The following ZNF878 variants were observed in gnomAD, a reference collection of about 807,000 sequenced individuals.
ZNF878 encodes the protein zinc finger protein 878.
ZNF878 carries 10 observed loss-of-function variants against 11.1 expected under a neutral mutation model. The ratio of observed to expected loss-of-function variants is 0.90; its 90% CI spans 0.56 to 1.53. The LOEUF is 1.53. Ranked by LOEUF, ZNF878 falls within the 40% of genes most tolerant of loss-of-function variation. The pLI, the probability that ZNF878 is intolerant of heterozygous loss-of-function variation, is 0.00. For synonymous variants in ZNF878, 165 were observed against 209.7 expected (o/e 0.79, Z 1.84); for missense variants, 548 against 626.1 (o/e 0.88, Z 1.33).
intron 1 of ZNF878, 47 bp downstream of exon 1, chr19:12,052,752 C>T (rs763683282): frequency 8.5e-6 from 13 of 1,535,078 alleles, no homozygotes; most frequent in South Asian, 1.2e-5. Flanking sequence ...CTCGGTTCCA[C>T]CCAGTCCCTC....
chr19:12,044,613 G>A lies in ZNF878; in HGVS notation c.788C>T (p.Ala263Val). 1 of 1,613,976 alleles carries A rather than the reference G, an allele frequency of 6.2e-7. No individual in the cohort carries two copies. Among genetic ancestry groups the A allele is most frequent in the Non-Finnish European group, 8.5e-7 (1 of 1,179,992 alleles). The change falls in exon 4 of 4, where the codon GCC becomes GTC. Residue 263 changes from alanine (A) to valine (V), a missense_variant. Around this residue, in one of 3 missense-constraint regions of ZNF878, gnomAD observed 335 missense variants for 358.2 expected, o/e 0.94. Coordinates refer to ENST00000547628, the MANE Select transcript of ZNF878 (RefSeq NM_001080404.3). ...KRYKCKQCDK[A>V]FNCPSSFQYH... ...TTGAAAGGAACTGGGACAATTGAAG[G>A]CTTTATCACATTGCTTGCATTTATA...
At chr19:12,047,491 G>A (rs1037486203) in intron 1 of ZNF878, among the ~76,000 whole-genome samples, 5 of 151,872 alleles carry the variant, frequency 3.3e-5, no homozygotes, top group Non-Finnish European at 7.4e-5. Flanking sequence ...TTGAACCCAT[G>A]AGGCAGAGGT....
chr19:12,050,760 T>C (rs987719751), intron 1 of ZNF878, among the ~76,000 whole-genome samples: 3 of 152,144 alleles, frequency 2.0e-5, no homozygotes, highest in Admixed American at 6.5e-5. Flanking sequence ...TCACATCTTC[T>C]GAAGCTGGAA....
chr19:12,048,525 GAAA>G (rs894167458), intron 1 of ZNF878, among the ~76,000 whole-genome samples: 1 of 117,908 alleles, frequency 8.5e-6, no homozygotes, highest in Non-Finnish European at 1.8e-5. Context: ...CTCAAAAAAA[GAAA>G]AAAAAAAAAG....
At chr19:12,049,036 G>A (rs1221711694) in intron 1 of ZNF878, among the ~76,000 whole-genome samples, 1 of 150,832 alleles carries the variant, frequency 6.6e-6, no homozygotes, top group African/African-American at 2.4e-5. Flanking sequence ...CCAGCTACTC[G>A]GGAAGCTAAG....
At chr19:12,043,762 C>G (rs757233676), downstream of ZNF878, 8 of 1,506,970 alleles carry the variant, frequency 5.3e-6, no homozygotes, top group Non-Finnish European at 6.2e-6. Context: ...AGTTCTGAGT[C>G]CCATCTAAGG....
chr19:12,046,074 CTGT>C (rs919958783), intron 3 of ZNF878: 2 of 331,082 alleles, frequency 6.0e-6, no homozygotes, highest in Non-Finnish European at 1.1e-5. Flanking sequence ...GTCTTTTTGT[CTGT>C]TTAGTTTTGA....
rs1975437070 is a variant in ZNF878, at chr19:12,044,348, G to A, written c.1053C>T (p.Val351=). The A allele has an allele frequency of 1.2e-6, 2 of 1,612,404 alleles. No individual in the cohort carries two copies. The highest frequency in any genetic ancestry group is 1.3e-5 in the African/African-American group (1 of 74,800). The change falls in exon 4 of 4, where the codon GTC becomes GTT. Residue 351 remains valine (V), a synonymous_variant. Transcript: ENST00000547628. ...CKKCVKAFSF[V]KDLRIHERTH... ...TCCTTTCATGTATTCGAAGATCCTT[G>A]ACAAAACTGAAGGCTTTCACACATT...
chr19:12,045,114 G>A lies in ZNF878; in HGVS notation c.287C>T (p.Thr96Ile). Residue 96 changes from threonine (T) to isoleucine (I), a missense_variant, in exon 4 of 4, where the codon ACT becomes ATT. Coordinates refer to ENST00000547628, the MANE Select transcript of ZNF878 (RefSeq NM_001080404.3). Reference sequence around the variant, plus strand: ...GCTTTCATATGATTGTACTCCAGGAGTTTTCTTCTTCAGTGTGTCATCTGG... The same window carrying A: ...GCTTTCATATGATTGTACTCCAGGAATTTTCTTCTTCAGTGTGTCATCTGG... ...QVPDDTLKKK[T>I]PGVQSYESSV... The A allele has an allele frequency of 6.2e-7, 1 of 1,613,242 alleles. No homozygotes were observed. The highest frequency in any genetic ancestry group is 8.5e-7 in the Non-Finnish European group (1 of 1,179,554).
intron 1 of ZNF878, among the ~76,000 whole-genome samples, chr19:12,052,277 C>G (rs1975559127): frequency 6.6e-6 from 1 of 152,214 alleles, no homozygotes; most frequent in African/African-American, 2.4e-5. Flanking sequence ...CTATTCGGCT[C>G]AGAATAAACT....
At chr19:12,046,581 CTA>C in intron 2 of ZNF878, 51 bp downstream of exon 2, 2 of 1,611,956 alleles carry the variant, frequency 1.2e-6, no homozygotes, top group Non-Finnish European at 1.7e-6. Flanking sequence ...CACTGATGAG[CTA>C]GAAACACCTG....
intron 1 of ZNF878, among the ~76,000 whole-genome samples, chr19:12,050,204 G>A (rs912788531): frequency 6.6e-6 from 1 of 152,112 alleles, no homozygotes; most frequent in Admixed American, 6.5e-5. Flanking sequence ...CAGCCTGGGC[G>A]ACAGAAAGAG....
At chr19:12,048,232 G>C (rs1039603150) in intron 1 of ZNF878, among the ~76,000 whole-genome samples, 1 of 152,140 alleles carries the variant, frequency 6.6e-6, no homozygotes, top group African/African-American at 2.4e-5. Context: ...AATATGGCAG[G>C]CCTGGGCTGG....
chr19:12,050,983 C>A (rs11085801), intron 1 of ZNF878, among the ~76,000 whole-genome samples: 79 of 148,882 alleles, frequency 5.3e-4, no homozygotes, highest in African/African-American at 1.9e-3. Context: ...GTAGTCCCAG[C>A]TACTTGGGAG....
intron 3 of ZNF878, 143 bp from the exon 4 acceptor site, chr19:12,045,352 A>T: frequency 1.3e-6 from 1 of 745,752 alleles, no homozygotes; most frequent in Non-Finnish European, 2.1e-6. Context: ...ATGCTATACA[A>T]GATGGCCTAG....
intron 1 of ZNF878, among the ~76,000 whole-genome samples, chr19:12,051,791 C>T (rs1292439804): frequency 6.6e-6 from 1 of 152,008 alleles, no homozygotes; most frequent in Non-Finnish European, 1.5e-5. Flanking sequence ...CCTGTAGTCC[C>T]AGCTACTCGG....
At chr19:12,047,927 G>A (rs1363523517) in intron 1 of ZNF878, among the ~76,000 whole-genome samples, 1 of 152,166 alleles carries the variant, frequency 6.6e-6, no homozygotes, top group Non-Finnish European at 1.5e-5. Flanking sequence ...ATACAACCCA[G>A]TGACTTTTCC....
At chr19:12,049,058 G>T (rs976543984) in intron 1 of ZNF878, among the ~76,000 whole-genome samples, 2 of 148,554 alleles carry the variant, frequency 1.3e-5, no homozygotes, top group African/African-American at 5.0e-5. Flanking sequence ...CAGGAGAATC[G>T]CTTGAACCCA....
At chr19:12,045,702 A>G (rs1270627284) in intron 3 of ZNF878, among the ~76,000 whole-genome samples, 38 of 152,034 alleles carry the variant, frequency 2.5e-4, no homozygotes, top group Admixed American at 2.5e-3. Context: ...GATAATATTG[A>G]TACAGGGATT....
Sources: allele counts gnomAD v4.1 joint callset (sites outside exome capture counted in the v4.1 genomes callset), GRCh38; gene constraint gnomAD v4.1.1; regional missense constraint gnomAD v4.1.1; transcripts MANE v1.5; gene names NCBI Gene and HGNC (gene_info 2026-07-23, HGNC 2026-07-21).